NAV2: variants seen among roughly 807,000 people sequenced by gnomAD.
NAV2 encodes helicase, APC down-regulated 1.
NAV2 carries 54 observed loss-of-function variants against 223.2 expected under a neutral mutation model. The ratio of observed to expected loss-of-function variants is 0.24; its 90% CI spans 0.19 to 0.30. The LOEUF is 0.30. Among genes scored for constraint, NAV2 ranks in the 10% least tolerant of loss-of-function variants. The pLI is 1.00. For synonymous variants in NAV2, 1,279 were observed against 1,239.3 expected (o/e 1.03, Z -0.67); for missense variants, 2,806 against 3,147.5 (o/e 0.89, Z 2.60).
At chr11:19,779,120 G>T (rs1199499186) in intron 1 of NAV2, among the ~76,000 whole-genome samples, 1 of 152,166 alleles carries the variant, frequency 6.6e-6, no homozygotes, top group Non-Finnish European at 1.5e-5. Flanking sequence ...AGGGTCAGGG[G>T]TCAGCCTTTA....
chr11:19,461,540 C>T (rs186563429), intron 1 of NAV2, among the ~76,000 whole-genome samples: 2 of 152,258 alleles, frequency 1.3e-5, no homozygotes, highest in African/African-American at 4.8e-5. Context: ...ATGATAGCTG[C>T]TGTTAATTGA....
At chr11:19,439,909 ATG>A (rs1345323629) in intron 1 of NAV2, among the ~76,000 whole-genome samples, 1 of 152,238 alleles carries the variant, frequency 6.6e-6, no homozygotes, top group Non-Finnish European at 1.5e-5. Flanking sequence ...GCCAAGGATA[ATG>A]TGGGATATTG....
chr11:19,494,756 A>G (rs532014851), intron 1 of NAV2, among the ~76,000 whole-genome samples: 1 of 152,340 alleles, frequency 6.6e-6, no homozygotes, highest in Admixed American at 6.5e-5. Context: ...ATTCCTGAAC[A>G]CTTGCCCTGC....
chr11:19,395,353 T>G (rs1657827134), intron 1 of NAV2, among the ~76,000 whole-genome samples: 1 of 152,256 alleles, frequency 6.6e-6, no homozygotes, highest in South Asian at 2.1e-4. Context: ...AGTGTGCATT[T>G]TGAAGGCCTC....
chr11:19,485,886 G>A (rs2042428088), intron 1 of NAV2, among the ~76,000 whole-genome samples: 1 of 152,068 alleles, frequency 6.6e-6, no homozygotes, highest in African/African-American at 2.4e-5. Flanking sequence ...CCATTGCCAG[G>A]CTTGTGTTAT....
At chr11:20,107,124 C>G (rs2062200364) in intron 35 of NAV2, 1 of 117,482 alleles carries the variant, frequency 8.5e-6, no homozygotes, top group Admixed American at 1.2e-4. Context: ...GTTGCCCAGG[C>G]TGGAGTGCAG....
chr11:19,993,057 A>G (rs1325978612), intron 11 of NAV2, among the ~76,000 whole-genome samples: 1 of 152,054 alleles, frequency 6.6e-6, no homozygotes, highest in African/African-American at 2.4e-5. Context: ...CTCTATGCCA[A>G]CTCCCCTGGT....
chr11:19,547,086 C>T (rs1220363418), intron 1 of NAV2, among the ~76,000 whole-genome samples: 30 of 152,146 alleles, frequency 2.0e-4, no homozygotes, highest in Admixed American at 2.0e-3. Context: ...GGGGGTGGTC[C>T]CTGCCTACCC....
chr11:20,051,349 C>T lies in NAV2; in HGVS notation c.4481+16C>T, dbSNP rs759030335. On this transcript the variant is annotated intron_variant, in intron 17 of 37. Coordinates refer to ENST00000349880, the MANE Select transcript of NAV2 (RefSeq NM_145117.5). Reference sequence around the variant, plus strand: ...AAGGACTCAGGTATCTGTGTTTCCTCCTTGCATCTGTGCCATCTGTTGTGG... The same window carrying T: ...AAGGACTCAGGTATCTGTGTTTCCTTCTTGCATCTGTGCCATCTGTTGTGG... The T allele has an allele frequency of 4.3e-6, 7 of 1,612,838 alleles. No individual in the cohort carries two copies. Among genetic ancestry groups the T allele is most frequent in the East Asian group, 2.2e-5 (1 of 44,896 alleles).
At chr11:19,373,781 A>G (rs555943331) in intron 1 of NAV2, among the ~76,000 whole-genome samples, 2 of 152,342 alleles carry the variant, frequency 1.3e-5, no homozygotes, top group East Asian at 3.9e-4. Flanking sequence ...CCCTGAACCT[A>G]GAATGTGGCT....
intron 1 of NAV2, among the ~76,000 whole-genome samples, chr11:19,590,994 CT>C (rs1363282931): frequency 6.6e-6 from 1 of 152,202 alleles, no homozygotes; most frequent in Non-Finnish European, 1.5e-5. Context: ...TATACAGAAT[CT>C]TTAGGGTCTA....
chr11:19,675,278 G>T (rs916078945), intron 1 of NAV2, among the ~76,000 whole-genome samples: 2 of 152,130 alleles, frequency 1.3e-5, no homozygotes, highest in Non-Finnish European at 2.9e-5. Context: ...AGTCTTTGTA[G>T]GTATTATTCC....
intron 20 of NAV2, among the ~76,000 whole-genome samples, chr11:20,062,673 T>C (rs1408657308): frequency 6.6e-6 from 1 of 152,172 alleles, no homozygotes; most frequent in Non-Finnish European, 1.5e-5. Flanking sequence ...TATTAATCCT[T>C]TGTCTGCCTC....
At chr11:19,479,120 G>T (rs1463989521) in intron 1 of NAV2, among the ~76,000 whole-genome samples, 1 of 152,122 alleles carries the variant, frequency 6.6e-6, no homozygotes, top group Non-Finnish European at 1.5e-5. Flanking sequence ...CCCAGTCACT[G>T]TGTCGGGTAT....
chr11:19,661,444 G>GT (rs2048280858), intron 1 of NAV2, among the ~76,000 whole-genome samples: 1 of 152,036 alleles, frequency 6.6e-6, no homozygotes, highest in African/African-American at 2.4e-5. Flanking sequence ...CAAAAACATC[G>GT]TAACAATAAA....
intron 1 of NAV2, among the ~76,000 whole-genome samples, chr11:19,555,660 G>A (rs1337853720): frequency 6.6e-6 from 1 of 152,012 alleles, no homozygotes; most frequent in Non-Finnish European, 1.5e-5. Flanking sequence ...CTAAAGGTTC[G>A]GGGACTCTAG....
chr11:19,984,721 GT>G (rs1159608948), intron 11 of NAV2, among the ~76,000 whole-genome samples: 4 of 152,184 alleles, frequency 2.6e-5, no homozygotes, highest in African/African-American at 9.7e-5. Context: ...AAGGACATGG[GT>G]TTAGACACCA....
chr11:19,464,292 G>T (rs146783778), intron 1 of NAV2, among the ~76,000 whole-genome samples: 1 of 152,142 alleles, frequency 6.6e-6, no homozygotes, highest in Non-Finnish European at 1.5e-5. Flanking sequence ...GAGGGGCTGG[G>T]GCCCGGAAAA....
intron 24 of NAV2, 128 bp from the exon 25 acceptor site, chr11:20,079,936 A>C (rs1042185014): frequency 1.1e-6 from 1 of 910,034 alleles, no homozygotes; most frequent in Non-Finnish European, 1.6e-6. Context: ...TAGGGATCAG[A>C]GTTGATGTAT....
Sources: gnomAD v4.1 joint callset for allele counts (sites outside exome capture counted in the v4.1 genomes callset) on GRCh38, gnomAD v4.1.1 for gene constraint, MANE v1.5 for transcripts, NCBI Gene and HGNC (gene_info 2026-07-23, HGNC 2026-07-21) for gene names.